NCOA2: variants seen among roughly 807,000 people sequenced by gnomAD.
The protein encoded by NCOA2 is class E basic helix-loop-helix protein 75.
Under a neutral mutation model 145.1 loss-of-function variants are expected in NCOA2, and 21 were observed. That is an observed-to-expected ratio of 0.14 (90% CI 0.10 to 0.21). The LOEUF is 0.21. Ranked by LOEUF, NCOA2 falls within the 10% of genes least tolerant of loss-of-function variation. The pLI, the probability that NCOA2 is intolerant of heterozygous loss-of-function variation, is 1.00. For missense variants in NCOA2, 1,472 were observed against 1,837.6 expected, an observed-to-expected ratio of 0.80 and a Z score of 3.64; for synonymous variants, 619 against 637.5, an observed-to-expected ratio of 0.97 and a Z score of 0.44.
intron 4 of NCOA2, among the ~76,000 whole-genome samples, chr8:70,182,568 A>G (rs552966993): frequency 2.5e-4 from 38 of 152,352 alleles, no homozygotes; most frequent in African/African-American, 9.1e-4. Context: ...TATAGACAGA[A>G]TAGACTTTAA....
intron 2 of NCOA2, among the ~76,000 whole-genome samples, chr8:70,224,013 G>C (rs1356543677): frequency 6.6e-6 from 1 of 152,272 alleles, no homozygotes; most frequent in African/African-American, 2.4e-5. Context: ...CTGTTAAACA[G>C]TGCATATGTT....
rs60796680 is a variant in NCOA2 at position 70,329,034 on chromosome 8, C to T, written c.-76-32234G>A. Among the ~76,000 whole-genome samples, 639 of 152,228 alleles carry T rather than the reference C, an allele frequency of 4.2e-3. 5 individuals are homozygous for T. The highest frequency in any genetic ancestry group is 0.015 in the African/African-American group (610 of 41,540). On this transcript the variant is annotated intron_variant, in intron 1 of 22. Transcript: ENST00000452400. The stretch of plus-strand genomic sequence containing the variant: ...GCAGTGGCATGATCATAGCTCACTA[C>T]AGCCTGAACTCCTGGGCTCAAATAA...
chr8:70,329,180 G>T (rs1480444964), intron 1 of NCOA2, among the ~76,000 whole-genome samples: 1 of 152,062 alleles, frequency 6.6e-6, no homozygotes, highest in Non-Finnish European at 1.5e-5. Context: ...GAGTGCAGTG[G>T]TGCTATCACA....
At chr8:70,127,196 GAAC>G (rs1211272251) in intron 18 of NCOA2, 149 bp from the exon 19 acceptor site, 3 of 625,494 alleles carry the variant, frequency 4.8e-6, no homozygotes, top group Non-Finnish European at 8.5e-6. Context: ...ACTCAGAGTT[GAAC>G]AACTAGTGAT....
chr8:70,331,556 T>G (rs1003086683), intron 1 of NCOA2, among the ~76,000 whole-genome samples: 11 of 152,250 alleles, frequency 7.2e-5, no homozygotes, highest in Admixed American at 2.0e-4. Context: ...TAATGCTATG[T>G]ATTAATTTAT....
chr8:70,334,656 CG>C (rs892723023), intron 1 of NCOA2, among the ~76,000 whole-genome samples: 2 of 152,142 alleles, frequency 1.3e-5, no homozygotes, highest in African/African-American at 4.8e-5. Flanking sequence ...TAACTCACAG[CG>C]CAGAGCATTC....
At chr8:70,257,320 A>G (rs1823713216) in intron 2 of NCOA2, among the ~76,000 whole-genome samples, 1 of 152,256 alleles carries the variant, frequency 6.6e-6, no homozygotes, top group South Asian at 2.1e-4. Context: ...TCAAATCACT[A>G]TAATTGCCAT....
chr8:70,331,482 T>C (rs1807089671), intron 1 of NCOA2, among the ~76,000 whole-genome samples: 1 of 152,138 alleles, frequency 6.6e-6, no homozygotes, highest in Non-Finnish European at 1.5e-5. Context: ...TACAGATCTC[T>C]TCAGTTGCCT....
At chr8:70,291,696 C>CT in intron 2 of NCOA2, among the ~76,000 whole-genome samples, 1 of 152,316 alleles carries the variant, frequency 6.6e-6, no homozygotes, top group South Asian at 2.1e-4. Flanking sequence ...AGAGCACACT[C>CT]TGAGAGCTCT....
intron 1 of NCOA2, among the ~76,000 whole-genome samples, chr8:70,344,437 G>A (rs1808423036): frequency 6.6e-6 from 1 of 152,190 alleles, no homozygotes; most frequent in South Asian, 2.1e-4. Flanking sequence ...CACCTCATTT[G>A]CTACCTCTGC....
intron 4 of NCOA2, among the ~76,000 whole-genome samples, chr8:70,194,302 G>A (rs895105244): frequency 6.6e-6 from 1 of 152,148 alleles, no homozygotes; most frequent in Non-Finnish European, 1.5e-5. Flanking sequence ...ATACGGTCTT[G>A]TATATAGCTA....
At chr8:70,250,460 T>C (rs1038123172) in intron 2 of NCOA2, among the ~76,000 whole-genome samples, 1 of 149,156 alleles carries the variant, frequency 6.7e-6, no homozygotes, top group Non-Finnish European at 1.5e-5. Context: ...GTCCCAGCTG[T>C]TCAGGAGGCT....
chr8:70,143,907 A>C (rs1266789247), intron 13 of NCOA2, among the ~76,000 whole-genome samples: 1 of 152,252 alleles, frequency 6.6e-6, no homozygotes, highest in African/African-American at 2.4e-5. Context: ...TATATCCATA[A>C]TAAAAATATG....
chr8:70,359,390 T>C (rs1418706526), intron 1 of NCOA2, among the ~76,000 whole-genome samples: 3 of 152,054 alleles, frequency 2.0e-5, no homozygotes, highest in African/African-American at 4.8e-5. Flanking sequence ...TATTCAGACA[T>C]AGAAAGGAAT....
intron 14 of NCOA2, among the ~76,000 whole-genome samples, chr8:70,139,904 C>T (rs967117378): frequency 6.6e-6 from 1 of 152,078 alleles, no homozygotes; most frequent in Non-Finnish European, 1.5e-5. Flanking sequence ...CTGCCTACCT[C>T]AGCCTCCCAC....
At chr8:70,389,215 T>C (rs541573567) in intron 1 of NCOA2, among the ~76,000 whole-genome samples, 1 of 152,320 alleles carries the variant, frequency 6.6e-6, no homozygotes, top group Admixed American at 6.5e-5. Flanking sequence ...ATCACATCTG[T>C]TTGGGTTGTA....
chr8:70,421,198 A>G, the NCOA2 span, among the ~76,000 whole-genome samples: 4 of 152,190 alleles, frequency 2.6e-5, no homozygotes, highest in Non-Finnish European at 5.9e-5. Flanking sequence ...AGCCTAAAGA[A>G]GAATCAAAGT....
At chr8:70,244,036 C>G (rs1488563672) in intron 2 of NCOA2, among the ~76,000 whole-genome samples, 1 of 151,978 alleles carries the variant, frequency 6.6e-6, no homozygotes, top group African/African-American at 2.4e-5. Flanking sequence ...TTGCTCTCAT[C>G]TTTTATTAGA....
rs138439116 is a variant in NCOA2 at position 70,233,970 on chromosome 8, T to C, written c.-19-17206A>G. ...CATCACCATATGTAATTCCAAAGCA[T>C]TGTCATCACCCCAAGAGGAAACCCC... On this transcript the variant is annotated intron_variant, in intron 2 of 22. Transcript: ENST00000452400. Among the ~76,000 whole-genome samples, 106 of 152,254 alleles carry C rather than the reference T, an allele frequency of 7.0e-4. 1 individual carries two copies. In the East Asian group the frequency reaches 0.018, roughly 26 times the overall value.
Sources: allele counts gnomAD v4.1 joint callset (sites outside exome capture counted in the v4.1 genomes callset), GRCh38; gene constraint gnomAD v4.1.1; transcripts MANE v1.5; gene names NCBI Gene and HGNC (gene_info 2026-07-23, HGNC 2026-07-21).